NLRP1: variants seen among roughly 807,000 people sequenced by gnomAD.
The protein encoded by NLRP1 is NLR family pyrin domain containing 1, also known as NACHT, LRR and PYD domains-containing protein 1.
In NLRP1, 94 loss-of-function variants were observed where a neutral mutation model predicts 136.7. The ratio of observed to expected loss-of-function variants is 0.69; its 90% confidence interval spans 0.58 to 0.82. The LOEUF is 0.82. NLRP1 is among the 40% of genes least tolerant of loss of function. The pLI is 0.00. For missense variants in NLRP1, 1,575 were observed against 1,802.7 expected (o/e 0.87, Z 2.29); for synonymous variants, 690 against 725.1 (o/e 0.95, Z 0.78).
intron 5 of NLRP1, 27 bp downstream of exon 5, chr17:5,553,359 T>C: frequency 6.3e-7 from 1 of 1,583,734 alleles, no homozygotes; most frequent in Non-Finnish European, 8.6e-7. Flanking sequence ...CATCCCTGCT[T>C]CAGAACAGAA....
At chr17:5,532,291 T>C (rs978829186) in intron 11 of NLRP1, among the ~76,000 whole-genome samples, 2 of 152,110 alleles carry the variant, frequency 1.3e-5, no homozygotes, top group Non-Finnish European at 2.9e-5. Flanking sequence ...ACACCAACTA[T>C]AAGAACATGT....
At chr17:5,505,041 G>A (rs559046222) in intron 15 of NLRP1, 61 of 152,332 alleles carry the variant, frequency 4.0e-4, no homozygotes, top group African/African-American at 1.3e-3. Context: ...CATGGCTGCC[G>A]AATTCCTCTC....
intron 4 of NLRP1, among the ~76,000 whole-genome samples, chr17:5,554,353 A>G (rs1913773417): frequency 6.6e-6 from 1 of 152,080 alleles, no homozygotes; most frequent in African/African-American, 2.4e-5. Context: ...GACCTCATCT[A>G]CCTCCAAGGC....
chr17:5,529,943 A>G (rs1287405630), intron 12 of NLRP1: 1 of 454,410 alleles, frequency 2.2e-6, no homozygotes, highest in East Asian at 7.0e-5. Context: ...ACTCTGTGGG[A>G]AGTCTTTGGA....
intron 5 of NLRP1, among the ~76,000 whole-genome samples, chr17:5,545,257 A>G (rs1912420810): frequency 6.6e-6 from 1 of 152,006 alleles, no homozygotes; most frequent in Non-Finnish European, 1.5e-5. Context: ...GCATTGAGTC[A>G]TGATCACACC....
At chr17:5,546,026 T>C (rs1006147178) in intron 5 of NLRP1, among the ~76,000 whole-genome samples, 9 of 152,190 alleles carry the variant, frequency 5.9e-5, no homozygotes, top group Admixed American at 1.3e-4. Flanking sequence ...GTGAAGACAC[T>C]TGGTATTGGA....
In NLRP1 at chr17:5,541,490, G is replaced by A. The variant is rs867221832; in HGVS notation, c.2699+367C>T. Among the ~76,000 whole-genome samples the A allele has an allele frequency of 4.6e-5, 7 of 152,200 alleles. No individual in the cohort carries two copies. Among genetic ancestry groups the A allele is most frequent in the Non-Finnish European group, 1.0e-4 (7 of 68,026 alleles). ...CCTGTTACTAGGCAGATCACAGCTC[G>A]TGGGAACAGGAGAAGAATAGAAAAA... On this transcript the variant is annotated intron_variant, in intron 6 of 16. Coordinates refer to ENST00000572272, the MANE Select transcript of NLRP1 (RefSeq NM_033004.4). This position sits in a 1 kb window ranked among gnomAD's most constrained non-coding sequence, Gnocchi z 4.2.
chr17:5,534,050 C>T, intron 8 of NLRP1, 62 bp from the exon 9 acceptor site: 4 of 1,159,882 alleles, frequency 3.4e-6, no homozygotes, highest in Non-Finnish European at 5.2e-6. Context: ...GTCCACATGA[C>T]ATTCCCACTA....
At chr17:5,503,264 CTGTGGCAT>C (rs1907178009) in intron 15 of NLRP1, 1 of 152,150 alleles carries the variant, frequency 6.6e-6, no homozygotes, top group African/African-American at 2.4e-5. Flanking sequence ...TTATGTAAGG[CTGTGGCAT>C]TGAGAAAGTC....
intron 4 of NLRP1, among the ~76,000 whole-genome samples, chr17:5,555,137 A>G (rs1368655039): frequency 6.6e-6 from 1 of 152,068 alleles, no homozygotes; most frequent in Non-Finnish European, 1.5e-5. Flanking sequence ...ATACATTTTA[A>G]ATTTTTTATT....
chr17:5,540,764 TG>T (rs1206378266), intron 6 of NLRP1, among the ~76,000 whole-genome samples: 1 of 152,148 alleles, frequency 6.6e-6, no homozygotes, highest in Non-Finnish European at 1.5e-5. Context: ...CCCCTTCCCA[TG>T]CCCCCTTCCC....
At chr17:5,579,282 C>T (rs1287859700) in intron 3 of NLRP1, among the ~76,000 whole-genome samples, 2 of 151,734 alleles carry the variant, frequency 1.3e-5, no homozygotes, top group African/African-American at 2.4e-5. Flanking sequence ...ATAAGATCAC[C>T]CTCCCTGATG....
chr17:5,538,760 G>A (rs11653654), intron 7 of NLRP1, among the ~76,000 whole-genome samples: 7,206 of 152,270 alleles, frequency 0.047, 197 homozygotes, highest in Middle Eastern at 0.088. Flanking sequence ...TGAATGAAGC[G>A]CTGCCCTGGA....
rs761470266 is a variant in NLRP1 at position 5,582,035 on chromosome 17, G to A, written c.476C>T (p.Ala159Val). Residue 159 changes from alanine to valine, a missense_variant, in exon 3 of 17, where the codon GCT becomes GTT. Physicochemically the swap from Ala to Val is moderately conservative, Grantham distance 64. Coordinates refer to ENST00000572272, the MANE Select transcript of NLRP1 (RefSeq NM_033004.4). ...CTCATGGTCTGGGGAGCTTGGAAGA[G>A]CTTGGTAGAGGAGTGAGGCAGAGAT... The part of the protein sequence containing the change: ...REISASLLYQ[A>V]LPSSPDHESP... The A allele has an allele frequency of 2.5e-6, 4 of 1,613,702 alleles. No homozygotes were observed. Among genetic ancestry groups the A allele is most frequent in the Non-Finnish European group, 3.4e-6 (4 of 1,179,844 alleles).
At chr17:5,526,434 G>GT (rs1268439616) in intron 12 of NLRP1, among the ~76,000 whole-genome samples, 15 of 152,328 alleles carry the variant, frequency 9.8e-5, no homozygotes, top group African/African-American at 3.6e-4. Context: ...GAACTCCTGA[G>GT]TAGGTGGGCA....
At chr17:5,560,597 T>C (rs1269603950) in intron 3 of NLRP1, among the ~76,000 whole-genome samples, 7 of 152,142 alleles carry the variant, frequency 4.6e-5, no homozygotes, top group Non-Finnish European at 1.0e-4. Flanking sequence ...TACTGGAGGA[T>C]AGTTCTCCAG....
At chr17:5,512,148 G>T, downstream of NLRP1, 1 of 903,332 alleles carries the variant, frequency 1.1e-6, no homozygotes, top group Non-Finnish European at 1.9e-6. Context: ...GACCAACTGT[G>T]GCCATTCGAT....
chr17:5,571,970 A>G (rs141092545), intron 3 of NLRP1, among the ~76,000 whole-genome samples: 1 of 152,362 alleles, frequency 6.6e-6, no homozygotes, highest in East Asian at 1.9e-4. Context: ...CTGATCTTTG[A>G]TAATGTTGAC....
At chr17:5,509,787 G>A (rs1047119838), downstream of NLRP1, among the ~76,000 whole-genome samples, 11 of 152,124 alleles carry the variant, frequency 7.2e-5, no homozygotes, top group African/African-American at 2.2e-4. Context: ...TTACAGGCGT[G>A]AGTCACCTCG....
Sources: allele counts gnomAD v4.1 joint callset (sites outside exome capture counted in the v4.1 genomes callset), GRCh38; gene constraint gnomAD v4.1.1; non-coding constraint Gnocchi (gnomAD v3.1); transcripts MANE v1.5; gene names NCBI Gene and HGNC (gene_info 2026-07-23, HGNC 2026-07-21).